LRRC4C: variants seen among roughly 807,000 people sequenced by gnomAD.
The protein encoded by LRRC4C is leucine rich repeat containing 4C.
A neutral mutation model predicts 33.6 loss-of-function variants in LRRC4C; 5 were observed. The ratio of observed to expected loss-of-function variants is 0.15; its 90% confidence interval spans 0.08 to 0.31. The LOEUF (loss-of-function observed/expected upper bound fraction) is 0.31, where lower values mean the gene tolerates loss of function less well. Among genes scored for constraint, LRRC4C ranks in the 10% least tolerant of loss-of-function variants. LRRC4C has a pLI of 1.00. For missense variants in LRRC4C, 560 were observed against 796.7 expected, an observed-to-expected ratio of 0.70 and a Z score of 3.58; for synonymous variants, 329 against 302.0, an observed-to-expected ratio of 1.09 and a Z score of -0.93.
At chr11:41,124,417 A>G (rs1378504320) in intron 1 of LRRC4C, among the ~76,000 whole-genome samples, 1 of 152,212 alleles carries the variant, frequency 6.6e-6, no homozygotes, top group Non-Finnish European at 1.5e-5. Flanking sequence ...TCTGTTATGA[A>G]TGTTCCATTC....
chr11:40,462,425 T>C (rs4756592), intron 3 of LRRC4C, among the ~76,000 whole-genome samples: 54,460 of 151,852 alleles, frequency 0.36, 10,203 homozygotes, highest in East Asian at 0.52. Flanking sequence ...CTTTAATTTA[T>C]AGAGAGTATG....
intron 3 of LRRC4C, among the ~76,000 whole-genome samples, chr11:40,586,792 C>T (rs976247879): frequency 2.0e-4 from 31 of 151,760 alleles, no homozygotes; most frequent in East Asian, 7.7e-4. Context: ...TGTATATATG[C>T]GGCGTTATTT....
chr11:40,880,748 T>C (rs2136018281), intron 2 of LRRC4C, among the ~76,000 whole-genome samples: 1 of 151,666 alleles, frequency 6.6e-6, no homozygotes. Context: ...GAGACAACTC[T>C]AATGTTATAG....
At chr11:41,092,980 T>C (rs1443156432) in intron 1 of LRRC4C, among the ~76,000 whole-genome samples, 1 of 152,242 alleles carries the variant, frequency 6.6e-6, no homozygotes, top group Non-Finnish European at 1.5e-5. Context: ...TATTAATATA[T>C]GGAAAGTACT....
intron 1 of LRRC4C, among the ~76,000 whole-genome samples, chr11:41,304,915 T>TG (rs375392172): frequency 1.5e-4 from 4 of 27,124 alleles, no homozygotes; most frequent in African/African-American, 4.0e-4. Context: ...GGGAGGGAGG[T>TG]GGGGGGGGGT....
At chr11:40,585,257 T>C (rs570114337) in intron 3 of LRRC4C, among the ~76,000 whole-genome samples, 1 of 152,248 alleles carries the variant, frequency 6.6e-6, no homozygotes, top group African/African-American at 2.4e-5. Context: ...ATCGGAAGAC[T>C]AGATAGCTTC....
At position 40,578,141 on chromosome 11, in the gene LRRC4C, G is replaced by GCTT. The variant is rs1958292829; in HGVS notation, c.-270+70000_-270+70001insAAG. On this transcript the variant is annotated intron_variant, in intron 3 of 6. Coordinates refer to ENST00000528697, the MANE Select transcript of LRRC4C (RefSeq NM_001258419.2). ...GATATTATTGGACTTTTTTTTTTCG[G>GCTT]TTTTTTTTTTTTTTTTTTTTTTTTT... Among the ~76,000 whole-genome samples the GCTT allele has an allele frequency of 4.0e-5, 2 of 50,136 alleles. 1 individual carries two copies. The highest frequency in any genetic ancestry group is 7.3e-5 in the Non-Finnish European group (2 of 27,280). 32.9% of individuals were successfully genotyped at this position (50,136 alleles called of 152,430 possible).
chr11:40,347,682 C>T (rs1047057238), intron 3 of LRRC4C, among the ~76,000 whole-genome samples: 5 of 152,198 alleles, frequency 3.3e-5, no homozygotes, highest in Non-Finnish European at 5.9e-5. Flanking sequence ...GATCTTGGCT[C>T]AGCGCAAACT....
chr11:40,465,705 G>A (rs969594446), intron 3 of LRRC4C, among the ~76,000 whole-genome samples: 3 of 151,870 alleles, frequency 2.0e-5, no homozygotes, highest in Non-Finnish European at 2.9e-5. Context: ...AATGCTCAAC[G>A]TTATTAATCA....
chr11:40,422,189 C>T (rs1446155123), intron 3 of LRRC4C, among the ~76,000 whole-genome samples: 2 of 152,138 alleles, frequency 1.3e-5, no homozygotes, highest in Non-Finnish European at 2.9e-5. Flanking sequence ...TATAAGTCCT[C>T]ACCGTAATAA....
Position 41,145,514 on chromosome 11 carries a change from G to C in LRRC4C, c.-495-211791C>G, listed in dbSNP as rs1395799608. On this transcript the variant is annotated intron_variant, in intron 1 of 6. Transcript: ENST00000528697. ...GCCCATGCACATTTATTTATATATT[G>C]CCTATGGCTGCTTTTATGCTACAAC... Among the ~76,000 whole-genome samples, 3 of 118,426 alleles carry C rather than the reference G, an allele frequency of 2.5e-5. No individual in the cohort carries two copies. The East Asian group carries it at 6.6e-4, about 26-fold the overall frequency. The allele number at this position is 118,426 out of a possible 152,430, so 77.7% of individuals were successfully genotyped here.
chr11:40,516,035 GA>G (rs1397265656), intron 3 of LRRC4C, among the ~76,000 whole-genome samples: 3 of 152,090 alleles, frequency 2.0e-5, no homozygotes, highest in African/African-American at 7.2e-5. Context: ...AGTTACATGT[GA>G]AGAAATCTTT....
At chr11:41,277,674 T>A (rs1274833147) in intron 1 of LRRC4C, among the ~76,000 whole-genome samples, 1 of 152,228 alleles carries the variant, frequency 6.6e-6, no homozygotes, top group East Asian at 1.9e-4. Context: ...CAGGTGACAA[T>A]TGAGCACCTG....
At chr11:41,141,462 C>T (rs1438141551) in intron 1 of LRRC4C, among the ~76,000 whole-genome samples, 1 of 152,076 alleles carries the variant, frequency 6.6e-6, no homozygotes, top group Non-Finnish European at 1.5e-5. Context: ...TAAAATAACA[C>T]CAATTTTAAT....
At chr11:40,396,844 A>G (rs929977931) in intron 3 of LRRC4C, among the ~76,000 whole-genome samples, 2 of 152,106 alleles carry the variant, frequency 1.3e-5, no homozygotes, top group Non-Finnish European at 2.9e-5. Flanking sequence ...TTTGTTGAAG[A>G]TGTAAAAACA....
At chr11:40,864,873 A>T (rs1375613467) in intron 2 of LRRC4C, among the ~76,000 whole-genome samples, 5 of 152,218 alleles carry the variant, frequency 3.3e-5, no homozygotes, top group African/African-American at 9.6e-5. Context: ...TGTGTAAAAG[A>T]TATTACACAA....
At chr11:41,239,820 T>C (rs1208015929) in intron 1 of LRRC4C, among the ~76,000 whole-genome samples, 1 of 152,182 alleles carries the variant, frequency 6.6e-6, no homozygotes, top group Non-Finnish European at 1.5e-5. Context: ...GATTCCTCAA[T>C]TTTTGTCGAT....
intron 1 of LRRC4C, among the ~76,000 whole-genome samples, chr11:41,131,969 A>G (rs966374497): frequency 1.3e-5 from 2 of 152,194 alleles, no homozygotes; most frequent in African/African-American, 4.8e-5. Flanking sequence ...TGTTTAGTGT[A>G]TAATCAAGAA....
chr11:41,270,694 G>T (rs1949293437), intron 1 of LRRC4C, among the ~76,000 whole-genome samples: 1 of 152,074 alleles, frequency 6.6e-6, no homozygotes, highest in Admixed American at 6.6e-5. Context: ...CCATTAGCCA[G>T]GCATTTTACC....
Sources: gnomAD v4.1 joint callset for allele counts (sites outside exome capture counted in the v4.1 genomes callset) on GRCh38, gnomAD v4.1.1 for gene constraint, MANE v1.5 for transcripts, NCBI Gene and HGNC (gene_info 2026-07-23, HGNC 2026-07-21) for gene names.